The following SLC22A9 variants were observed in gnomAD, a reference collection of about 807,000 sequenced individuals.
SLC22A9 encodes the protein solute carrier family 22 member 9.
SLC22A9 carries 64 observed loss-of-function variants against 50.1 expected under a neutral mutation model. That is an observed-to-expected ratio of 1.28 (90% CI 1.04 to 1.57). The LOEUF (loss-of-function observed/expected upper bound fraction) is 1.57, where lower values mean the gene tolerates loss of function less well. Among genes scored for constraint, SLC22A9 ranks in the 40% most tolerant of loss-of-function variants. The pLI, the probability that SLC22A9 is intolerant of heterozygous loss-of-function variation, is 0.00. For synonymous variants in SLC22A9, 261 were observed against 242.5 expected (o/e 1.08, Z -0.71); for missense variants, 757 against 676.1 (o/e 1.12, Z -1.33).
At chr11:63,405,221 T>A (rs1333192027) in intron 6 of SLC22A9, among the ~76,000 whole-genome samples, 1 of 152,108 alleles carries the variant, frequency 6.6e-6, no homozygotes, top group Admixed American at 6.6e-5. Context: ...GGTAAATGCC[T>A]GAATAGTTCA....
chr11:63,383,174 G>C (rs559344678), intron 6 of SLC22A9, among the ~76,000 whole-genome samples: 1 of 152,252 alleles, frequency 6.6e-6, no homozygotes, highest in South Asian at 2.1e-4. Context: ...GCAATTTTAG[G>C]TTTCTCCCTC....
chr11:63,371,027 G>A, intron 1 of SLC22A9, 108 bp from the exon 2 acceptor site: 1 of 718,376 alleles, frequency 1.4e-6, no homozygotes, highest in South Asian at 2.0e-5. Flanking sequence ...AGCCACAGAG[G>A]AAGTTAGAGA....
chr11:63,372,717 T>C (rs1411562410), intron 2 of SLC22A9, among the ~76,000 whole-genome samples: 1 of 152,176 alleles, frequency 6.6e-6, no homozygotes, highest in Non-Finnish European at 1.5e-5. Flanking sequence ...TTTTATAGTT[T>C]ATGATAAAAG....
rs77366021 is a variant in SLC22A9 at position 63,383,496 on chromosome 11, A to G, written c.1073+1219A>G. 6.1e-3 allele frequency among the ~76,000 whole-genome samples: 934 copies of G among 152,306 alleles called. 10 individuals carry two copies. Among genetic ancestry groups the G allele is most frequent in the African/African-American group, 0.021 (856 of 41,578 alleles). On this transcript the variant is annotated intron_variant, in intron 6 of 9. Coordinates refer to ENST00000279178, the MANE Select transcript of SLC22A9 (RefSeq NM_080866.3). ...GACACTTTACAGAGAATGTTTGACAAGCCCCTAGAATCTCTATTTGGGTTG... is the reference window on the plus strand; with the variant it reads ...GACACTTTACAGAGAATGTTTGACAGGCCCCTAGAATCTCTATTTGGGTTG...
In SLC22A9 at chr11:63,373,643, G is replaced by T; in HGVS notation, c.507-1G>T. ...TTATCTAACCTGTTTCTGTTTCTCA[G>T]GTTTGGGAGAAGGTTCGTGCTCAGA... On this transcript the variant is annotated splice_acceptor_variant, in intron 2 of 9. Coordinates refer to ENST00000279178, the MANE Select transcript of SLC22A9 (RefSeq NM_080866.3). LOFTEE classifies it high-confidence loss of function. 1 of 1,544,494 alleles carries T rather than the reference G, an allele frequency of 6.5e-7. No individual in the cohort carries two copies. Among genetic ancestry groups the T allele is most frequent in the South Asian group, 1.3e-5 (1 of 78,398 alleles).
chr11:63,401,547 A>G (rs1228920609), intron 6 of SLC22A9, among the ~76,000 whole-genome samples: 1 of 152,160 alleles, frequency 6.6e-6, no homozygotes. Context: ...AAATGTCCCT[A>G]TTACCCAAGG....
At chr11:63,405,896 C>T (rs906551274) in intron 6 of SLC22A9, among the ~76,000 whole-genome samples, 2 of 152,170 alleles carry the variant, frequency 1.3e-5, no homozygotes, top group Non-Finnish European at 2.9e-5. Context: ...AAAACACTTG[C>T]TGTCTTCCAA....
intron 6 of SLC22A9, among the ~76,000 whole-genome samples, chr11:63,406,023 G>A (rs1386881919): frequency 6.6e-6 from 1 of 152,154 alleles, no homozygotes; most frequent in African/African-American, 2.4e-5. Flanking sequence ...TTGAGAGACA[G>A]GACTTGGTGG....
intron 6 of SLC22A9, among the ~76,000 whole-genome samples, chr11:63,403,435 G>T (rs567681799): frequency 6.6e-6 from 1 of 152,182 alleles, no homozygotes; most frequent in Non-Finnish European, 1.5e-5. Flanking sequence ...GAGTGAGTCT[G>T]TCAGCACCCC....
intron 6 of SLC22A9, among the ~76,000 whole-genome samples, chr11:63,389,063 G>A (rs1487202160): frequency 1.3e-5 from 2 of 151,906 alleles, no homozygotes; most frequent in Non-Finnish European, 2.9e-5. Context: ...TCTCTGTTTA[G>A]TTAGGCTAAA....
chr11:63,398,587 T>A (rs2014900808), intron 6 of SLC22A9, among the ~76,000 whole-genome samples: 1 of 152,142 alleles, frequency 6.6e-6, no homozygotes, highest in African/African-American at 2.4e-5. Context: ...TGGTGCTGCT[T>A]TCCTCTGTGA....
chr11:63,384,921 G>A (rs2014633714), intron 6 of SLC22A9, among the ~76,000 whole-genome samples: 2 of 151,970 alleles, frequency 1.3e-5, no homozygotes, highest in South Asian at 4.2e-4. Context: ...ATGTTTGTTA[G>A]CCACATGAAC....
intron 8 of SLC22A9, 140 bp downstream of exon 8, chr11:63,408,360 A>G: frequency 2.7e-6 from 2 of 737,480 alleles, no homozygotes; most frequent in East Asian, 2.7e-5. Flanking sequence ...ATTATAGACC[A>G]ACTTTATCTC....
intron 5 of SLC22A9, among the ~76,000 whole-genome samples, chr11:63,381,673 C>A (rs138570912): frequency 7.2e-5 from 11 of 152,236 alleles, no homozygotes; most frequent in African/African-American, 2.6e-4. Context: ...CCTCCTTCCC[C>A]AACCTTCAGT....
intron 2 of SLC22A9, among the ~76,000 whole-genome samples, chr11:63,373,203 C>T (rs1036841394): frequency 1.4e-5 from 2 of 142,538 alleles, no homozygotes; most frequent in Admixed American, 7.4e-5. Flanking sequence ...ATGTTCCTTT[C>T]ACATCAGTAT....
At chr11:63,408,581 TA>T in intron 8 of SLC22A9, 94 bp from the exon 9 acceptor site, 1 of 1,129,150 alleles carries the variant, frequency 8.9e-7, no homozygotes, top group Non-Finnish European at 1.3e-6. Flanking sequence ...TCTGTGTGTC[TA>T]AATGTTCCCC....
At chr11:63,403,054 C>T (rs1221392239) in intron 6 of SLC22A9, among the ~76,000 whole-genome samples, 1 of 151,830 alleles carries the variant, frequency 6.6e-6, no homozygotes, top group African/African-American at 2.4e-5. Context: ...ATATAATTGA[C>T]AATTGGATAA....
chr11:63,377,976 C>G (rs2014493786), intron 5 of SLC22A9, among the ~76,000 whole-genome samples: 1 of 152,026 alleles, frequency 6.6e-6, no homozygotes, highest in Non-Finnish European at 1.5e-5. Context: ...TGTAAACATT[C>G]AAACTCCCAA....
chr11:63,383,861 C>T (rs1265544606), intron 6 of SLC22A9, among the ~76,000 whole-genome samples: 1 of 151,954 alleles, frequency 6.6e-6, no homozygotes, highest in Non-Finnish European at 1.5e-5. Context: ...TCATTCTGGC[C>T]AACATAGTGA....
Sources: gnomAD v4.1 joint callset for allele counts (sites outside exome capture counted in the v4.1 genomes callset) on GRCh38, gnomAD v4.1.1 for gene constraint, MANE v1.5 for transcripts, NCBI Gene and HGNC (gene_info 2026-07-23, HGNC 2026-07-21) for gene names.